Variants in AK4 observed in about 807,000 individuals in gnomAD.
The protein encoded by AK4 is adenylate kinase 4, mitochondrial.
A neutral mutation model predicts 24.6 loss-of-function variants in AK4; 13 were observed. That is an observed-to-expected ratio of 0.53 (90% CI 0.34 to 0.84). The LOEUF (loss-of-function observed/expected upper bound fraction) is 0.84, where lower values mean the gene tolerates loss of function less well. Ranked by LOEUF, AK4 falls within the 40% of genes least tolerant of loss-of-function variation. The pLI is 0.01. For synonymous variants in AK4, 88 were observed against 107.0 expected (o/e 0.82, Z 1.10); for missense variants, 192 against 288.2 (o/e 0.67, Z 2.42).
At chr1:65,216,389 G>A (rs1481457534) in intron 2 of AK4, among the ~76,000 whole-genome samples, 1 of 152,152 alleles carries the variant, frequency 6.6e-6, no homozygotes, top group Non-Finnish European at 1.5e-5. Context: ...TTCCCAAAGT[G>A]CTGGGATTAC....
At chr1:65,199,732 A>G (rs893524147) in intron 2 of AK4, among the ~76,000 whole-genome samples, 5 of 152,202 alleles carry the variant, frequency 3.3e-5, no homozygotes, top group African/African-American at 1.2e-4. Context: ...CTTATCCAGA[A>G]TGCTCGGGAC....
chr1:65,152,961 C>T (rs1212431729), intron 1 of AK4, among the ~76,000 whole-genome samples: 1 of 152,112 alleles, frequency 6.6e-6, no homozygotes. Flanking sequence ...CAATAGTTAT[C>T]CTTTTTATAG....
intron 2 of AK4, among the ~76,000 whole-genome samples, chr1:65,193,368 G>C (rs1651367533): frequency 6.6e-6 from 1 of 152,184 alleles, no homozygotes; most frequent in Non-Finnish European, 1.5e-5. Flanking sequence ...TGTGATGGGA[G>C]GGGCAGTCTG....
intron 1 of AK4, among the ~76,000 whole-genome samples, chr1:65,184,504 A>T (rs4916026): frequency 0.31 from 46,690 of 151,994 alleles, 7,638 homozygotes; most frequent in East Asian, 0.52. Context: ...TTTATTTGAA[A>T]CCTTCCTAGT....
rs116902222 is a variant in AK4, at chr1:65,178,183, G to A, written c.146-12527G>A. ...AGAGTGGCTCTTGCTTGACTGTTAA[G>A]ATAGCCTCTGGCCTCAAGGGGATTA... On this transcript the variant is annotated intron_variant, in intron 1 of 4. Transcript: ENST00000327299. 1.3e-3 allele frequency among the ~76,000 whole-genome samples: 191 copies of A among 152,240 alleles called. 4 individuals carry two copies. The East Asian group carries it at 0.021, about 16-fold the overall frequency.
chr1:65,199,287 C>T (rs972822444), intron 2 of AK4, among the ~76,000 whole-genome samples: 4 of 152,002 alleles, frequency 2.6e-5, no homozygotes, highest in Non-Finnish European at 2.9e-5. Context: ...CGGTGGCTCA[C>T]GCCTGTAATC....
intron 1 of AK4, among the ~76,000 whole-genome samples, chr1:65,186,551 G>T (rs900482459): frequency 6.6e-6 from 1 of 152,118 alleles, no homozygotes; most frequent in African/African-American, 2.4e-5. Flanking sequence ...TAGTAGAGGG[G>T]GCAGAAAGTG....
intron 2 of AK4, among the ~76,000 whole-genome samples, chr1:65,194,513 G>A (rs897597947): frequency 6.6e-6 from 1 of 152,004 alleles, no homozygotes; most frequent in Non-Finnish European, 1.5e-5. Flanking sequence ...CCAGGCCAGA[G>A]TGCCATGGCC....
rs760109159 is a variant in AK4 at position 65,230,968 on chromosome 1, C to T, written c.*4791C>T. 5 of 152,110 alleles carry T rather than the reference C, an allele frequency of 3.3e-5. No individual in the cohort carries two copies. Among genetic ancestry groups the T allele is most frequent in the Non-Finnish European group, 5.9e-5 (4 of 68,022 alleles). The allele number at this position is 152,110 out of a possible 1,614,324, so 9.4% of individuals were successfully genotyped here. A position where few individuals can be genotyped will look rare whatever the true frequency, so the allele number is the denominator to read the frequency against. On this transcript the variant is annotated 3_prime_UTR_variant, in exon 5 of 5. Coordinates refer to ENST00000327299, the MANE Select transcript of AK4 (RefSeq NM_013410.4). ...AGAGAGGCAATTCATAAGGTGAGGT[C>T]CTGTTCATAGTATGACTTGCTTTCT...
At chr1:65,207,961 G>A (rs1651860974) in intron 2 of AK4, among the ~76,000 whole-genome samples, 1 of 152,114 alleles carries the variant, frequency 6.6e-6, no homozygotes, top group South Asian at 2.1e-4. Flanking sequence ...TGGGTATCTT[G>A]GATGATTCCA....
intron 1 of AK4, among the ~76,000 whole-genome samples, chr1:65,187,475 T>A (rs949872487): frequency 1.3e-5 from 2 of 152,066 alleles, no homozygotes; most frequent in African/African-American, 4.8e-5. Flanking sequence ...GGTTTCTTTC[T>A]GAAGTAGTGA....
chr1:65,202,424 T>G (rs1179985496), intron 2 of AK4, among the ~76,000 whole-genome samples: 2 of 151,964 alleles, frequency 1.3e-5, no homozygotes, highest in South Asian at 2.1e-4. Context: ...AAATAAAAAT[T>G]AACTGGATTA....
At chr1:65,159,969 C>CAAA (rs951802334) in intron 1 of AK4, among the ~76,000 whole-genome samples, 1,704 of 63,140 alleles carry the variant, frequency 0.027, 23 homozygotes, top group Admixed American at 0.061. Flanking sequence ...ACTATGTCTC[C>CAAA]AAAAAAAAAA....
chr1:65,192,146 T>C (rs1651326285), intron 2 of AK4, among the ~76,000 whole-genome samples: 1 of 152,196 alleles, frequency 6.6e-6, no homozygotes, highest in African/African-American at 2.4e-5. Context: ...ACAGAGTACT[T>C]TGGACTGGGC....
At position 65,230,842 on chromosome 1, in the gene AK4, T is replaced by C. The variant is rs1652621594; in HGVS notation, c.*4665T>C. 1 of 152,202 alleles carries C rather than the reference T, an allele frequency of 6.6e-6. No homozygotes were observed. The highest frequency in any genetic ancestry group is 1.5e-5 in the Non-Finnish European group (1 of 68,032). The allele number at this position is 152,202 out of a possible 1,614,324, so 9.4% of individuals were successfully genotyped here. On this transcript the variant is annotated 3_prime_UTR_variant, in exon 5 of 5. Coordinates refer to ENST00000327299, the MANE Select transcript of AK4 (RefSeq NM_013410.4). Reference sequence around the variant, plus strand: ...CAGAGGGCGTGTCTCATCTGTACTCTGCTGGGTTACAGGATTTCAGTAGGT... The same window carrying C: ...CAGAGGGCGTGTCTCATCTGTACTCCGCTGGGTTACAGGATTTCAGTAGGT...
chr1:65,208,329 T>TA (rs1651871986), intron 2 of AK4, among the ~76,000 whole-genome samples: 1 of 152,156 alleles, frequency 6.6e-6, no homozygotes, highest in Non-Finnish European at 1.5e-5. Flanking sequence ...ATAAGGAAAG[T>TA]ATACGATAGG....
upstream of AK4, chr1:65,147,788 G>A (rs1649611717): frequency 1.3e-5 from 2 of 152,534 alleles, 1 homozygote; most frequent in South Asian, 4.1e-4. Context: ...GCGCGCGCGG[G>A]CGGCGGGCAG....
intron 1 of AK4, 61 bp downstream of exon 1, chr1:65,148,613 G>A (rs943679806): frequency 6.6e-7 from 1 of 1,504,990 alleles, no homozygotes; most frequent in East Asian, 2.5e-5. Flanking sequence ...TGAGGCCCTG[G>A]AGGGACTGGG....
chr1:65,189,289 T>C lies in AK4; in HGVS notation c.146-1421T>C, dbSNP rs542912961. ...CTGTTGAGAATGTGATTCTCTCTCT[T>C]TTTTTTTTTTTTTTGAGATGGAGTT... On this transcript the variant is annotated intron_variant, in intron 1 of 4. Coordinates refer to ENST00000327299, the MANE Select transcript of AK4 (RefSeq NM_013410.4). Among the ~76,000 whole-genome samples, 132 of 142,320 alleles carry C rather than the reference T, an allele frequency of 9.3e-4. 1 individual carries two copies. Among genetic ancestry groups the C allele is most frequent in the Non-Finnish European group, 1.5e-3 (98 of 65,878 alleles). 93.4% of individuals were successfully genotyped at this position (142,320 alleles called of 152,430 possible). A position where few individuals can be genotyped will look rare whatever the true frequency, so the allele number is the denominator to read the frequency against.
Sources: gnomAD v4.1 joint callset for allele counts (sites outside exome capture counted in the v4.1 genomes callset) on GRCh38, gnomAD v4.1.1 for gene constraint, MANE v1.5 for transcripts, NCBI Gene and HGNC (gene_info 2026-07-23, HGNC 2026-07-21) for gene names.